The following GRXCR2 variants were observed in gnomAD, a reference collection of about 807,000 sequenced individuals.
GRXCR2 encodes the protein glutaredoxin domain-containing cysteine-rich protein 2.
A neutral mutation model predicts 24.8 loss-of-function variants in GRXCR2; 23 were observed. The observed-to-expected ratio is 0.93, with a 90% CI of 0.67 to 1.32. The LOEUF is 1.32. Ranked by LOEUF, GRXCR2 falls within the 40% of genes most tolerant of loss-of-function variation. The probability of loss-of-function intolerance (pLI) is 0.00; values close to 1 mark genes in which losing one functional copy is unlikely to be tolerated. For missense variants in GRXCR2, 315 were observed against 303.4 expected (o/e 1.04, Z -0.28); for synonymous variants, 130 against 116.1 (o/e 1.12, Z -0.77).
At chr5:145,870,055 T>C (rs1423485853) in intron 1 of GRXCR2, among the ~76,000 whole-genome samples, 2 of 152,126 alleles carry the variant, frequency 1.3e-5, no homozygotes, top group Non-Finnish European at 1.5e-5. Flanking sequence ...AAGATATATA[T>C]ATATATTATC....
At position 145,904,891 on chromosome 5, in the gene GRXCR2, A is replaced by G. The variant is rs1275594416; in HGVS notation, c.-70+30810T>C. On this transcript the variant is annotated intron_variant, in intron 2 of 3. Coordinates refer to the GRXCR2 transcript ENST00000639411. Reference sequence around the variant, plus strand: ...CTTAACTGGGGCTCTTGAAGGGCGCATGGTTCTTCTCCCCTCCGTGGCTTG... The same window carrying G: ...CTTAACTGGGGCTCTTGAAGGGCGCGTGGTTCTTCTCCCCTCCGTGGCTTG... 2.6e-5 allele frequency among the ~76,000 whole-genome samples: 4 copies of G among 152,182 alleles called. No homozygotes were observed. In the East Asian group the frequency reaches 5.8e-4, roughly 22 times the overall value.
In GRXCR2 at chr5:145,866,392, A is replaced by C. The variant is rs146464495; in HGVS notation, c.564+109T>G. On this transcript the variant is annotated intron_variant, in intron 2 of 2. Transcript: ENST00000377976. ...TCATATCTTCAAGTTTAGGTATCTT[A>C]AGTATTCATATTCAAAAGGTTTTAC... 4.9e-3 allele frequency: 3,359 copies of C among 684,334 alleles called. 12 individuals carry two copies. Among genetic ancestry groups the C allele is most frequent in the Non-Finnish European group, 7.1e-3 (2,752 of 389,458 alleles). The allele number at this position is 684,334 out of a possible 1,614,324, so 42.4% of individuals were successfully genotyped here.
intron 2 of GRXCR2, among the ~76,000 whole-genome samples, chr5:145,897,921 G>A (rs34488783): frequency 0.021 from 3,258 of 151,954 alleles, 43 homozygotes; most frequent in Middle Eastern, 0.048. Flanking sequence ...AGAAAAACAA[G>A]ATAAAACTAA....
At chr5:145,894,395 C>T (rs1343348795) in intron 2 of GRXCR2, among the ~76,000 whole-genome samples, 14 of 151,774 alleles carry the variant, frequency 9.2e-5, no homozygotes, top group Non-Finnish European at 1.5e-4. Flanking sequence ...GCAAGACTAA[C>T]AAAGAAGAAA....
At chr5:145,868,276 G>A (rs567003476) in intron 1 of GRXCR2, among the ~76,000 whole-genome samples, 1 of 152,134 alleles carries the variant, frequency 6.6e-6, no homozygotes, top group African/African-American at 2.4e-5. Context: ...GAAGTATTCT[G>A]CCCTGCTTAT....
At chr5:145,873,720 C>T (rs1756569497), upstream of GRXCR2, among the ~76,000 whole-genome samples, 2 of 152,194 alleles carry the variant, frequency 1.3e-5, no homozygotes, top group Admixed American at 1.3e-4. Context: ...GGCCTTCTCC[C>T]CCTACGCTAA....
At chr5:145,906,241 CA>C (rs973307545) in intron 2 of GRXCR2, among the ~76,000 whole-genome samples, 12 of 151,930 alleles carry the variant, frequency 7.9e-5, no homozygotes, top group African/African-American at 2.7e-4. Flanking sequence ...TTCGACTGGC[CA>C]AGGGGAGTAT....
chr5:145,907,717 C>G (rs1336199990), intron 2 of GRXCR2, among the ~76,000 whole-genome samples: 2 of 151,922 alleles, frequency 1.3e-5, no homozygotes, highest in Non-Finnish European at 2.9e-5. Context: ...ACACGGGGTC[C>G]TGGAAGAAAG....
chr5:145,888,011 T>A (rs528338926), intron 2 of GRXCR2, among the ~76,000 whole-genome samples: 1 of 152,368 alleles, frequency 6.6e-6, no homozygotes, highest in South Asian at 2.1e-4. Context: ...ATTGGTTTTT[T>A]AAAGTTATAT....
intron 2 of GRXCR2, among the ~76,000 whole-genome samples, chr5:145,893,880 G>A (rs887498911): frequency 1.3e-5 from 2 of 152,126 alleles, no homozygotes; most frequent in African/African-American, 2.4e-5. Context: ...CACATAGTTG[G>A]AAGTAAAGCA....
intron 2 of GRXCR2, among the ~76,000 whole-genome samples, chr5:145,909,376 T>TTTTTCCCTAATGTTGATCTGA (rs1554106389): frequency 6.6e-6 from 1 of 151,646 alleles, no homozygotes; most frequent in East Asian, 1.9e-4. Flanking sequence ...GATTCGTCTA[T>TTTTTCCCTAATGTTGATCTGA]TTTCAGCTTC....
intron 2 of GRXCR2, among the ~76,000 whole-genome samples, chr5:145,920,653 C>T (rs964818579): frequency 5.3e-5 from 8 of 152,146 alleles, no homozygotes; most frequent in African/African-American, 1.4e-4. Flanking sequence ...GACAAACAAT[C>T]GTTCCTATGG....
At chr5:145,917,742 C>A (rs1757261094) in intron 2 of GRXCR2, among the ~76,000 whole-genome samples, 1 of 152,134 alleles carries the variant, frequency 6.6e-6, no homozygotes, top group Non-Finnish European at 1.5e-5. Context: ...AACCCAAATA[C>A]CTCCCCACCA....
chr5:145,918,562 T>C (rs1296907710), intron 2 of GRXCR2, among the ~76,000 whole-genome samples: 1 of 152,320 alleles, frequency 6.6e-6, no homozygotes, highest in South Asian at 2.1e-4. Flanking sequence ...AAGGTCAAAG[T>C]GTCCAGGAAA....
intron 2 of GRXCR2, among the ~76,000 whole-genome samples, chr5:145,891,406 G>A (rs1360524220): frequency 1.3e-5 from 2 of 152,192 alleles, no homozygotes; most frequent in Non-Finnish European, 2.9e-5. Context: ...GTGACAGACA[G>A]CACCTGGAAA....
At chr5:145,896,337 G>A (rs779037818) in intron 2 of GRXCR2, among the ~76,000 whole-genome samples, 4 of 152,282 alleles carry the variant, frequency 2.6e-5, no homozygotes, top group East Asian at 1.9e-4. Context: ...CCATCAGAGT[G>A]CACAGGCAAC....
intron 2 of GRXCR2, among the ~76,000 whole-genome samples, chr5:145,864,619 G>GCTCT (rs948554735): frequency 6.6e-6 from 1 of 151,444 alleles, no homozygotes; most frequent in African/African-American, 2.4e-5. Flanking sequence ...ACTTTCTCAA[G>GCTCT]CTCTCTCTCT....
At chr5:145,919,866 C>CA (rs1192862152) in intron 2 of GRXCR2, among the ~76,000 whole-genome samples, 1 of 152,114 alleles carries the variant, frequency 6.6e-6, no homozygotes, top group Non-Finnish European at 1.5e-5. Context: ...CCCAACCTCC[C>CA]CAAAACATGT....
chr5:145,916,007 C>T (rs1024157573), intron 2 of GRXCR2, among the ~76,000 whole-genome samples: 3 of 151,992 alleles, frequency 2.0e-5, no homozygotes, highest in African/African-American at 4.8e-5. Flanking sequence ...AGTCACCATG[C>T]GGGGAGGGAA....
Sources: gnomAD v4.1 joint callset for allele counts (sites outside exome capture counted in the v4.1 genomes callset) on GRCh38, gnomAD v4.1.1 for gene constraint, MANE v1.5 for transcripts, NCBI Gene and HGNC (gene_info 2026-07-23, HGNC 2026-07-21) for gene names.